RAPGEF6: variants seen among roughly 807,000 people sequenced by gnomAD.
RAPGEF6 encodes Rap guanine nucleotide exchange factor 6.
A neutral mutation model predicts 171.4 loss-of-function variants in RAPGEF6; 56 were observed. The observed-to-expected ratio is 0.33, with a 90% CI of 0.26 to 0.41. RAPGEF6 has a LOEUF of 0.41. Ranked by LOEUF, RAPGEF6 falls within the 10% of genes least tolerant of loss-of-function variation. The pLI is 1.00. For missense variants in RAPGEF6, 1,674 were observed against 1,921.4 expected, an observed-to-expected ratio of 0.87 and a Z score of 2.41; for synonymous variants, 692 against 650.1, an observed-to-expected ratio of 1.06 and a Z score of -0.98.
chr5:131,563,167 C>T (rs1439665231), intron 4 of RAPGEF6, among the ~76,000 whole-genome samples: 1 of 151,672 alleles, frequency 6.6e-6, no homozygotes, highest in Non-Finnish European at 1.5e-5. Context: ...AAAGTATTAT[C>T]ATATATGAAA....
chr5:131,427,320 G>T (rs777141170), intron 27 of RAPGEF6, 29 bp from the exon 28 acceptor site: 6 of 1,555,338 alleles, frequency 3.9e-6, no homozygotes, highest in East Asian at 2.3e-5. Context: ...TAATTAACTG[G>T]CAGATCAGCA....
intron 3 of RAPGEF6, among the ~76,000 whole-genome samples, chr5:131,601,245 C>T (rs1257907870): frequency 6.6e-6 from 1 of 151,712 alleles, no homozygotes; most frequent in Non-Finnish European, 1.5e-5. Context: ...ATAAGCTGGG[C>T]ATGGTGGCGG....
At chr5:131,476,285 G>A (rs116357594) in intron 16 of RAPGEF6, among the ~76,000 whole-genome samples, 6 of 152,114 alleles carry the variant, frequency 3.9e-5, no homozygotes, top group Non-Finnish European at 8.8e-5. Context: ...AAATAATTTT[G>A]TCATTTTAAA....
chr5:131,622,291 T>G (rs1765638391), intron 1 of RAPGEF6, among the ~76,000 whole-genome samples: 1 of 152,194 alleles, frequency 6.6e-6, no homozygotes, highest in South Asian at 2.1e-4. Context: ...TCTGAGAGAT[T>G]GAGGAATTTC....
At chr5:131,604,133 A>C (rs1462046965) in intron 2 of RAPGEF6, among the ~76,000 whole-genome samples, 5 of 152,152 alleles carry the variant, frequency 3.3e-5, no homozygotes, top group East Asian at 1.9e-4. Context: ...TGCTCCTTTC[A>C]CTTGTATAAT....
At chr5:131,596,017 G>A (rs1763877444) in intron 3 of RAPGEF6, among the ~76,000 whole-genome samples, 1 of 151,986 alleles carries the variant, frequency 6.6e-6, no homozygotes, top group African/African-American at 2.4e-5. Flanking sequence ...AGCTGGGTGT[G>A]GTGGTACGCG....
At chr5:131,572,990 T>C (rs1217007384) in intron 4 of RAPGEF6, among the ~76,000 whole-genome samples, 1 of 152,118 alleles carries the variant, frequency 6.6e-6, no homozygotes, top group Non-Finnish European at 1.5e-5. Context: ...TTTTTACACT[T>C]CGCTCCCTCC....
At chr5:131,534,017 G>A (rs1170852479) in intron 6 of RAPGEF6, among the ~76,000 whole-genome samples, 1 of 152,080 alleles carries the variant, frequency 6.6e-6, no homozygotes, top group Non-Finnish European at 1.5e-5. Flanking sequence ...GTTGCTCCTA[G>A]TGGCCAAAGA....
At chr5:131,459,246 G>A (rs79444449) in intron 19 of RAPGEF6, among the ~76,000 whole-genome samples, 1 of 152,192 alleles carries the variant, frequency 6.6e-6, no homozygotes. Context: ...GTTGGGTGAA[G>A]AAGTCATTTG....
chr5:131,498,671 T>C (rs1037120569), intron 11 of RAPGEF6, 64 bp from the exon 12 acceptor site: 5 of 1,437,710 alleles, frequency 3.5e-6, no homozygotes, highest in Non-Finnish European at 4.8e-6. Context: ...AAAGAACTAT[T>C]GTTGATTACT....
At position 131,571,764 on chromosome 5, in the gene RAPGEF6, C is replaced by T. The variant is rs555244489; in HGVS notation, c.282-9717G>A. Among the ~76,000 whole-genome samples, 3 of 152,184 alleles carry T rather than the reference C, an allele frequency of 2.0e-5. No individual in the cohort carries two copies. The East Asian group carries it at 5.8e-4, about 29-fold the overall frequency. ...CAAAGAACATATGAAAACAAATAACCAAAACAATTTTTACGAAGTTGGAGG... is the reference window on the plus strand; with the variant it reads ...CAAAGAACATATGAAAACAAATAACTAAAACAATTTTTACGAAGTTGGAGG... On this transcript the variant is annotated intron_variant, in intron 4 of 27. Transcript: ENST00000509018.
intron 19 of RAPGEF6, among the ~76,000 whole-genome samples, chr5:131,458,324 C>T (rs987680176): frequency 6.6e-6 from 1 of 152,112 alleles, no homozygotes; most frequent in Non-Finnish European, 1.5e-5. Context: ...GCACTTCCCC[C>T]CTCACTCTCT....
chr5:131,472,960 T>A, intron 16 of RAPGEF6: 1 of 518,320 alleles, frequency 1.9e-6, no homozygotes, highest in Non-Finnish European at 3.4e-6. Context: ...CTTATACATC[T>A]AAGTAATTCT....
At chr5:131,504,086 C>G (rs1243560361) in intron 11 of RAPGEF6, among the ~76,000 whole-genome samples, 1 of 152,162 alleles carries the variant, frequency 6.6e-6, no homozygotes, top group Admixed American at 6.5e-5. Context: ...AAGGAAAACT[C>G]TGACCAGTAT....
intron 9 of RAPGEF6, among the ~76,000 whole-genome samples, chr5:131,507,231 A>G (rs1171740597): frequency 6.7e-6 from 1 of 148,652 alleles, no homozygotes; most frequent in Admixed American, 6.8e-5. Flanking sequence ...TATAGATTAT[A>G]TAAGTATATA....
chr5:131,497,833 T>C (rs996492302), intron 12 of RAPGEF6, among the ~76,000 whole-genome samples: 1 of 152,198 alleles, frequency 6.6e-6, no homozygotes, highest in African/African-American at 2.4e-5. Context: ...TCTTACCAAT[T>C]TGTGGAAGTA....
In RAPGEF6 at chr5:131,601,258, G is replaced by A. The variant is rs534988431; in HGVS notation, c.197+2013C>T. Among the ~76,000 whole-genome samples, 5 of 151,762 alleles carry A rather than the reference G, an allele frequency of 3.3e-5. No individual in the cohort carries two copies. The South Asian group carries it at 6.3e-4, about 19-fold the overall frequency. On this transcript the variant is annotated intron_variant, in intron 3 of 27. Coordinates refer to ENST00000509018, the MANE Select transcript of RAPGEF6 (RefSeq NM_016340.6). Reference sequence around the variant, plus strand: ...AAATAAGCTGGGCATGGTGGCGGGCGCCTGTAATCCCAGCTACTCGGGAGG... The same window carrying A: ...AAATAAGCTGGGCATGGTGGCGGGCACCTGTAATCCCAGCTACTCGGGAGG...
chr5:131,592,006 C>T (rs1763619981), intron 4 of RAPGEF6, among the ~76,000 whole-genome samples: 1 of 152,036 alleles, frequency 6.6e-6, no homozygotes, highest in Admixed American at 6.6e-5. Context: ...TACAGGTATG[C>T]GCCACCACAC....
intron 1 of RAPGEF6, among the ~76,000 whole-genome samples, chr5:131,612,746 C>G (rs960036601): frequency 6.6e-5 from 10 of 152,214 alleles, no homozygotes; most frequent in Non-Finnish European, 1.3e-4. Flanking sequence ...GCTAGTGTTA[C>G]AGGGAACCAG....
Sources: allele counts gnomAD v4.1 joint callset (sites outside exome capture counted in the v4.1 genomes callset), GRCh38; gene constraint gnomAD v4.1.1; transcripts MANE v1.5; gene names NCBI Gene and HGNC (gene_info 2026-07-23, HGNC 2026-07-21).